ST6GALNAC3: variants seen among roughly 807,000 people sequenced by gnomAD.
The protein encoded by ST6GALNAC3 is ST6 N-acetylgalactosaminide alpha-2,6-sialyltransferase 3.
In ST6GALNAC3, 25 loss-of-function variants were observed where a neutral mutation model predicts 32.7. That is an observed-to-expected ratio of 0.76 (90% CI 0.56 to 1.07). The LOEUF (loss-of-function observed/expected upper bound fraction) is 1.07, where lower values mean the gene tolerates loss of function less well. ST6GALNAC3 is among the 50% of genes least tolerant of loss of function. The pLI is 0.00. For synonymous variants in ST6GALNAC3, 129 were observed against 133.1 expected (o/e 0.97, Z 0.21); for missense variants, 355 against 382.4 (o/e 0.93, Z 0.60).
intron 1 of ST6GALNAC3, among the ~76,000 whole-genome samples, chr1:76,306,086 A>G (rs1284204599): frequency 6.6e-6 from 1 of 152,124 alleles, no homozygotes; most frequent in Non-Finnish European, 1.5e-5. Context: ...GAAAATTAAG[A>G]GGCTGGTGTG....
At chr1:76,627,963 C>G (rs1227002752) in intron 4 of ST6GALNAC3, among the ~76,000 whole-genome samples, 2 of 151,902 alleles carry the variant, frequency 1.3e-5, no homozygotes, top group African/African-American at 2.4e-5. Flanking sequence ...GTCCTGCAGC[C>G]TCAGAGAAAC....
In ST6GALNAC3 at chr1:76,630,407, T is replaced by C. The variant is rs1285769619; in HGVS notation, c.*1601T>C. 2 of 985,084 alleles carry C rather than the reference T, an allele frequency of 2.0e-6. No individual in the cohort carries two copies. Among genetic ancestry groups the C allele is most frequent in the East Asian group, 1.1e-4 (1 of 8,816 alleles). The allele number at this position is 985,084 out of a possible 1,614,324, so 61.0% of individuals were successfully genotyped here. On this transcript the variant is annotated 3_prime_UTR_variant, in exon 5 of 5. Transcript: ENST00000328299. ...AGGAGGAAATGAAGGCAGAGAAATA[T>C]AGTTTCCTTTCCTAGGATTGAGACA...
At chr1:76,292,788 C>T (rs904937628) in intron 1 of ST6GALNAC3, among the ~76,000 whole-genome samples, 1 of 152,082 alleles carries the variant, frequency 6.6e-6, no homozygotes, top group Non-Finnish European at 1.5e-5. Flanking sequence ...TTTCTGTAGC[C>T]CCACATGTCA....
Position 76,094,398 on chromosome 1 carries a change from T to C in ST6GALNAC3, c.18+19514T>C, listed in dbSNP as rs536539031. On this transcript the variant is annotated intron_variant, in intron 1 of 4. Transcript: ENST00000328299. ...TGGTGATCATAATAGCTAGCATTTA[T>C]TGAGAGCTTCCCAAGTGCTAGGCAT... Among the ~76,000 whole-genome samples the C allele has an allele frequency of 1.2e-4, 19 of 152,352 alleles. 1 individual carries two copies. In the South Asian group the frequency reaches 2.9e-3, roughly 23 times the overall value.
At chr1:76,212,896 TA>T (rs1001738529) in intron 1 of ST6GALNAC3, among the ~76,000 whole-genome samples, 5 of 152,158 alleles carry the variant, frequency 3.3e-5, no homozygotes, top group Non-Finnish European at 7.4e-5. Flanking sequence ...CTGGCAAGTC[TA>T]AAACACAGGA....
chr1:76,430,424 G>T (rs988484295), intron 3 of ST6GALNAC3, among the ~76,000 whole-genome samples: 3 of 152,114 alleles, frequency 2.0e-5, no homozygotes, highest in Non-Finnish European at 4.4e-5. Context: ...CCCTACAGTT[G>T]TTCTCTGGCC....
intron 1 of ST6GALNAC3, among the ~76,000 whole-genome samples, chr1:76,206,506 G>T (rs1296621936): frequency 6.6e-6 from 1 of 152,150 alleles, no homozygotes; most frequent in Non-Finnish European, 1.5e-5. Context: ...GAGTTGGGCG[G>T]ATCATGAGGT....
intron 3 of ST6GALNAC3, among the ~76,000 whole-genome samples, chr1:76,578,767 T>C (rs935980616): frequency 2.0e-5 from 3 of 152,034 alleles, no homozygotes; most frequent in African/African-American, 7.2e-5. Context: ...TTATCTGGTA[T>C]GTAAAATCTG....
At chr1:76,256,732 CTT>C (rs398053129) in intron 1 of ST6GALNAC3, among the ~76,000 whole-genome samples, 1 of 143,300 alleles carries the variant, frequency 7.0e-6, no homozygotes. Flanking sequence ...CATAAAATGA[CTT>C]TTTTTTTTTT....
At chr1:76,452,318 C>T (rs1657466578) in intron 3 of ST6GALNAC3, among the ~76,000 whole-genome samples, 1 of 152,144 alleles carries the variant, frequency 6.6e-6, no homozygotes, top group African/African-American at 2.4e-5. Context: ...ATTGTGAGGC[C>T]TCCCCAGTCA....
At chr1:76,306,643 T>C (rs10873876) in intron 1 of ST6GALNAC3, among the ~76,000 whole-genome samples, 112,954 of 150,204 alleles carry the variant, frequency 0.75, 43,443 homozygotes, top group Non-Finnish European at 0.84. Flanking sequence ...AGCAACATTT[T>C]CTGAGGAACT....
rs1177112514 is a variant in ST6GALNAC3, at chr1:76,431,066, G to C, written c.623+18649G>C. Among the ~76,000 whole-genome samples, 3 of 152,090 alleles carry C rather than the reference G, an allele frequency of 2.0e-5. No homozygotes were observed. The East Asian group carries it at 5.8e-4, about 29-fold the overall frequency. ...GACAGACAGATTCCTGTGATGCAGAGATCAGCATCACAGCCCTGGCAGCCC... is the reference window on the plus strand; with the variant it reads ...GACAGACAGATTCCTGTGATGCAGACATCAGCATCACAGCCCTGGCAGCCC... On this transcript the variant is annotated intron_variant, in intron 3 of 4. Transcript: ENST00000328299.
At chr1:76,519,881 TAA>T (rs1662405762) in intron 3 of ST6GALNAC3, among the ~76,000 whole-genome samples, 1 of 151,706 alleles carries the variant, frequency 6.6e-6, no homozygotes, top group South Asian at 2.1e-4. Context: ...AAAAAGTGTA[TAA>T]ATATATATAA....
chr1:76,617,504 C>T (rs1210951901), intron 3 of ST6GALNAC3, among the ~76,000 whole-genome samples: 5 of 152,128 alleles, frequency 3.3e-5, no homozygotes, highest in African/African-American at 1.2e-4. Context: ...AGGTGATTAG[C>T]ATTCAGAATA....
At chr1:76,314,286 C>T (rs987741869) in intron 2 of ST6GALNAC3, among the ~76,000 whole-genome samples, 1 of 152,090 alleles carries the variant, frequency 6.6e-6, no homozygotes, top group African/African-American at 2.4e-5. Flanking sequence ...CATATCTCTC[C>T]ATTTAGAAGC....
At chr1:76,355,504 G>A (rs933282179) in intron 2 of ST6GALNAC3, among the ~76,000 whole-genome samples, 1 of 152,098 alleles carries the variant, frequency 6.6e-6, no homozygotes, top group Non-Finnish European at 1.5e-5. Context: ...AAGAAAATGT[G>A]CATTTTGGAT....
chr1:76,226,816 A>G (rs1380385240), intron 1 of ST6GALNAC3, among the ~76,000 whole-genome samples: 1 of 152,114 alleles, frequency 6.6e-6, no homozygotes, highest in African/African-American at 2.4e-5. Flanking sequence ...TCCCGCCTAC[A>G]CACACCCATT....
intron 2 of ST6GALNAC3, among the ~76,000 whole-genome samples, chr1:76,320,956 A>G (rs1034507822): frequency 1.0e-4 from 9 of 87,508 alleles, no homozygotes; most frequent in Non-Finnish European, 2.1e-4. Context: ...GTAAAATGGT[A>G]TATATATACA....
intron 2 of ST6GALNAC3, among the ~76,000 whole-genome samples, chr1:76,376,643 G>C (rs61771500): frequency 0.031 from 4,659 of 152,286 alleles, 84 homozygotes; most frequent in African/African-American, 0.036. Context: ...CAATTCTTAT[G>C]AAGGGCATGT....
Sources: allele counts gnomAD v4.1 joint callset (sites outside exome capture counted in the v4.1 genomes callset), GRCh38; gene constraint gnomAD v4.1.1; transcripts MANE v1.5; gene names NCBI Gene and HGNC (gene_info 2026-07-23, HGNC 2026-07-21).